ERP44: variants seen among roughly 807,000 people sequenced by gnomAD.
ERP44 encodes the protein endoplasmic reticulum protein 44, also known as endoplasmic reticulum resident protein 44.
In ERP44, 25 loss-of-function variants were observed where a neutral mutation model predicts 53.4. That is an observed-to-expected ratio of 0.47 (90% CI 0.34 to 0.65). The LOEUF (loss-of-function observed/expected upper bound fraction) is 0.65, where lower values mean the gene tolerates loss of function less well. Among genes scored for constraint, ERP44 ranks in the 30% least tolerant of loss-of-function variants. The pLI is 0.01. For synonymous variants in ERP44, 145 were observed against 161.2 expected, an observed-to-expected ratio of 0.90 and a Z score of 0.76; for missense variants, 338 against 493.2, an observed-to-expected ratio of 0.69 and a Z score of 2.98.
chr9:100,035,630 G>C (rs1825841641), intron 4 of ERP44, among the ~76,000 whole-genome samples: 1 of 152,062 alleles, frequency 6.6e-6, no homozygotes, highest in Admixed American at 6.6e-5. Context: ...AGCCAGGATT[G>C]TGCCATTGCA....
intron 10 of ERP44, among the ~76,000 whole-genome samples, chr9:99,989,624 A>G (rs570156327): frequency 1.3e-5 from 2 of 152,328 alleles, no homozygotes; most frequent in South Asian, 4.1e-4. Flanking sequence ...CTGAAAACCA[A>G]AGCACCTCTT....
At chr9:100,071,657 C>T (rs750733182) in intron 1 of ERP44, among the ~76,000 whole-genome samples, 6 of 152,118 alleles carry the variant, frequency 3.9e-5, no homozygotes, top group Non-Finnish European at 8.8e-5. Context: ...CAGTAGCTCA[C>T]GCCTGTAATC....
intron 3 of ERP44, among the ~76,000 whole-genome samples, chr9:100,055,650 C>G (rs575091968): frequency 6.6e-6 from 1 of 152,224 alleles, no homozygotes; most frequent in Non-Finnish European, 1.5e-5. Flanking sequence ...GGATTACAGG[C>G]GTGAGCCACT....
chr9:99,989,058 G>A (rs1219597932), intron 10 of ERP44, among the ~76,000 whole-genome samples: 12 of 152,314 alleles, frequency 7.9e-5, no homozygotes, highest in Non-Finnish European at 1.3e-4. Context: ...GGAGCCCACC[G>A]CAGCTCAACA....
At chr9:100,050,069 T>C (rs1255371501) in intron 4 of ERP44, among the ~76,000 whole-genome samples, 1 of 148,890 alleles carries the variant, frequency 6.7e-6, no homozygotes, top group African/African-American at 2.5e-5. Context: ...AAAAAAAACC[T>C]CATACTGTAT....
chr9:100,065,857 G>A (rs564835578), intron 1 of ERP44, among the ~76,000 whole-genome samples: 1 of 152,176 alleles, frequency 6.6e-6, no homozygotes, highest in South Asian at 2.1e-4. Context: ...ATTCATAGAC[G>A]CATTAGCTAG....
At chr9:100,042,986 G>A (rs922943912) in intron 4 of ERP44, among the ~76,000 whole-genome samples, 8 of 151,970 alleles carry the variant, frequency 5.3e-5, no homozygotes, top group African/African-American at 1.2e-4. Flanking sequence ...TAGGCCGGGC[G>A]CAGTGGCTCA....
intron 4 of ERP44, among the ~76,000 whole-genome samples, chr9:100,040,014 C>G (rs758376612): frequency 1.3e-5 from 2 of 151,934 alleles, no homozygotes; most frequent in South Asian, 4.2e-4. Context: ...ATAATGAGAT[C>G]GAAGCCATAA....
chr9:100,057,943 C>A, intron 2 of ERP44, 84 bp from the exon 3 acceptor site: 1 of 1,074,206 alleles, frequency 9.3e-7, no homozygotes, highest in South Asian at 1.4e-5. Flanking sequence ...GATCTTTGTC[C>A]AATATAAGGG....
chr9:99,982,953 T>C (rs985744758), intron 11 of ERP44, among the ~76,000 whole-genome samples: 1 of 152,160 alleles, frequency 6.6e-6, no homozygotes, highest in Admixed American at 6.5e-5. Flanking sequence ...GGGCTTGTTT[T>C]ACATTTGCTG....
chr9:100,052,213 T>TC (rs1269128208), intron 4 of ERP44, among the ~76,000 whole-genome samples: 3 of 151,916 alleles, frequency 2.0e-5, no homozygotes, highest in Admixed American at 6.6e-5. Context: ...TGGAAAGTAG[T>TC]GTTCTAAGTA....
intron 8 of ERP44, among the ~76,000 whole-genome samples, chr9:100,016,107 AACT>A (rs968290127): frequency 6.6e-6 from 1 of 152,208 alleles, no homozygotes; most frequent in Non-Finnish European, 1.5e-5. Context: ...GGCTGTAGTG[AACT>A]ACTACTATTA....
At chr9:100,093,414 C>A (rs995757808) in intron 1 of ERP44, among the ~76,000 whole-genome samples, 1 of 152,126 alleles carries the variant, frequency 6.6e-6, no homozygotes, top group Admixed American at 6.5e-5. Context: ...GAGGCCAAAG[C>A]GGGTGGATCG....
At chr9:100,076,263 C>T (rs1303804208) in intron 1 of ERP44, among the ~76,000 whole-genome samples, 2 of 152,154 alleles carry the variant, frequency 1.3e-5, no homozygotes, top group Non-Finnish European at 2.9e-5. Context: ...GATACATACA[C>T]GATCGGGCTC....
intron 4 of ERP44, among the ~76,000 whole-genome samples, chr9:100,045,485 T>C (rs1825955647): frequency 6.6e-6 from 1 of 152,196 alleles, no homozygotes; most frequent in Non-Finnish European, 1.5e-5. Flanking sequence ...ATAATACTAC[T>C]TAACTAGAGG....
intron 1 of ERP44, among the ~76,000 whole-genome samples, chr9:100,060,846 T>C (rs1347775187): frequency 6.6e-6 from 1 of 152,180 alleles, no homozygotes; most frequent in African/African-American, 2.4e-5. Context: ...AAAAGTAAAA[T>C]TTAGTGTATT....
chr9:99,999,753 C>A (rs1180713628), intron 10 of ERP44, among the ~76,000 whole-genome samples: 1 of 152,032 alleles, frequency 6.6e-6, no homozygotes, highest in African/African-American at 2.4e-5. Context: ...AAATTTGTGG[C>A]CCACACTAAT....
At chr9:100,064,820 G>A (rs1406415357) in intron 1 of ERP44, among the ~76,000 whole-genome samples, 1 of 151,992 alleles carries the variant, frequency 6.6e-6, no homozygotes, top group African/African-American at 2.4e-5. Context: ...CAACAAAAAA[G>A]CTAAAAAGAA....
At chr9:99,992,618 G>A (rs1490063461) in intron 10 of ERP44, among the ~76,000 whole-genome samples, 1 of 152,166 alleles carries the variant, frequency 6.6e-6, no homozygotes, top group African/African-American at 2.4e-5. Flanking sequence ...AGACAGGGAT[G>A]CCCTCTCTCA....
Sources: allele counts gnomAD v4.1 joint callset (sites outside exome capture counted in the v4.1 genomes callset), GRCh38; gene constraint gnomAD v4.1.1; transcripts MANE v1.5; gene names NCBI Gene and HGNC (gene_info 2026-07-23, HGNC 2026-07-21).